Variants in EFR3A observed in about 807,000 individuals in gnomAD.
EFR3A encodes the protein EFR3 homolog A.
Under a neutral mutation model 104.4 loss-of-function variants are expected in EFR3A, and 76 were observed. The ratio of observed to expected loss-of-function variants is 0.73; its 90% CI spans 0.60 to 0.88. The LOEUF (loss-of-function observed/expected upper bound fraction) is 0.88, where lower values mean the gene tolerates loss of function less well. EFR3A is among the 40% of genes least tolerant of loss of function. The pLI is 0.00. For missense variants in EFR3A, 985 were observed against 1,012.5 expected (o/e 0.97, Z 0.37); for synonymous variants, 330 against 330.0 (o/e 1.00, Z 0.00).
rs1818618141 is a variant in EFR3A, at chr8:131,949,980, T to G, written c.378T>G (p.Phe126Leu). Residue 126 changes from phenylalanine to leucine, a missense_variant, in exon 5 of 23, where the codon TTT (phenylalanine) becomes TTG (leucine). Coordinates refer to ENST00000254624, the MANE Select transcript of EFR3A (RefSeq NM_015137.6). The stretch of plus-strand genomic sequence containing the variant: ...TTTGTGTTTTTTAGTTTGTCAAATT[T>G]GCAAATATTGAAGAAGACACACCAT... ...QVLGTNSFVK[F>L]ANIEEDTPSY... 2 of 1,593,162 alleles carry G rather than the reference T, an allele frequency of 1.3e-6. No homozygotes were observed. Among genetic ancestry groups the G allele is most frequent in the African/African-American group, 1.4e-5 (1 of 73,762 alleles).
At chr8:131,943,256 CT>C (rs1409580709) in intron 2 of EFR3A, among the ~76,000 whole-genome samples, 1 of 152,056 alleles carries the variant, frequency 6.6e-6, no homozygotes, top group Admixed American at 6.6e-5. Context: ...TATCCTCAAC[CT>C]GTATCTTATT....
intron 1 of EFR3A, among the ~76,000 whole-genome samples, chr8:131,908,369 G>A (rs1816354293): frequency 6.6e-6 from 1 of 152,136 alleles, no homozygotes; most frequent in Non-Finnish European, 1.5e-5. Flanking sequence ...CATTTGAGGG[G>A]TTTTATATGC....
At chr8:131,961,019 A>C (rs1819289582) in intron 8 of EFR3A, among the ~76,000 whole-genome samples, 1 of 152,200 alleles carries the variant, frequency 6.6e-6, no homozygotes, top group African/African-American at 2.4e-5. Context: ...TTAGAAGGAA[A>C]GCTAACAAAC....
chr8:132,002,520 T>C, intron 20 of EFR3A, 83 bp from the exon 21 acceptor site: 3 of 1,086,262 alleles, frequency 2.8e-6, no homozygotes, highest in Non-Finnish European at 4.0e-6. Context: ...TTGGATGATA[T>C]ATCATTAACT....
At chr8:132,001,710 T>C in intron 19 of EFR3A, 49 bp from the exon 20 acceptor site, 1 of 1,517,118 alleles carries the variant, frequency 6.6e-7, no homozygotes. Context: ...AAGGTGTTAT[T>C]TATATTGACC....
chr8:131,935,648 G>T (rs533622971), intron 1 of EFR3A: 2 of 239,402 alleles, frequency 8.4e-6, no homozygotes, highest in Non-Finnish European at 1.7e-5. Flanking sequence ...TTAATTCAAA[G>T]CCATACAGTC....
At chr8:131,915,555 G>A (rs913250107) in intron 1 of EFR3A, among the ~76,000 whole-genome samples, 1 of 152,204 alleles carries the variant, frequency 6.6e-6, no homozygotes, top group African/African-American at 2.4e-5. Context: ...GGTATAAATT[G>A]CTATAACACA....
chr8:131,957,350 C>CTTTTTTTTT (rs1185442281), intron 7 of EFR3A, among the ~76,000 whole-genome samples: 3,035 of 125,420 alleles, frequency 0.024, 113 homozygotes, highest in African/African-American at 0.069. Flanking sequence ...GGGCCAGGGT[C>CTTTTTTTTT]TTTTTTTTTT....
rs984997032 is a variant in EFR3A, at chr8:131,979,426, G to A, written c.1575+5G>A. On this transcript the variant is annotated splice_donor_5th_base_variant and intron_variant, in intron 14 of 22. Coordinates refer to ENST00000254624, the MANE Select transcript of EFR3A (RefSeq NM_015137.6). ...GACACAAGTTTCATGAAAAAGGTAAGACATCTTCTAAAAAAATAAATGTGT... is the reference window on the plus strand; with the variant it reads ...GACACAAGTTTCATGAAAAAGGTAAAACATCTTCTAAAAAAATAAATGTGT... 1 of 1,534,806 alleles carries A rather than the reference G, an allele frequency of 6.5e-7. No homozygotes were observed. The highest frequency in any genetic ancestry group is 1.4e-5 in the African/African-American group (1 of 72,688).
At chr8:131,979,108 G>A (rs1454164293) in intron 13 of EFR3A, 89 bp downstream of exon 13, 1 of 1,295,870 alleles carries the variant, frequency 7.7e-7, no homozygotes, top group Non-Finnish European at 1.1e-6. Flanking sequence ...TAAAAATCTA[G>A]CATGTTCAGG....
At chr8:131,987,061 C>G (rs1236212781) in intron 17 of EFR3A, among the ~76,000 whole-genome samples, 6 of 151,908 alleles carry the variant, frequency 3.9e-5, no homozygotes, top group Non-Finnish European at 8.8e-5. Context: ...TTTGTTTGAA[C>G]TTTTGGGCTA....
intron 1 of EFR3A, among the ~76,000 whole-genome samples, chr8:131,919,672 C>T (rs1039407935): frequency 6.6e-6 from 1 of 151,430 alleles, no homozygotes; most frequent in Admixed American, 6.6e-5. Flanking sequence ...AACAAAATCC[C>T]TGGGAAATCA....
chr8:131,999,111 A>T (rs1287531433), intron 19 of EFR3A, among the ~76,000 whole-genome samples: 1 of 152,106 alleles, frequency 6.6e-6, no homozygotes, highest in African/African-American at 2.4e-5. Context: ...AGCTTATAGT[A>T]AGTGCTTGAT....
chr8:131,937,738 T>C (rs1025911418), intron 1 of EFR3A, among the ~76,000 whole-genome samples: 3 of 151,700 alleles, frequency 2.0e-5, no homozygotes, highest in Non-Finnish European at 4.4e-5. Flanking sequence ...TGCTTAGACT[T>C]GCCAGTTGTT....
intron 18 of EFR3A, among the ~76,000 whole-genome samples, chr8:131,992,074 C>T (rs1821216672): frequency 6.6e-6 from 1 of 152,064 alleles, no homozygotes; most frequent in South Asian, 2.1e-4. Context: ...TCTGCAACCC[C>T]TCAGCTTTCA....
chr8:131,998,569 T>A (rs1358331025), intron 19 of EFR3A, among the ~76,000 whole-genome samples: 1 of 152,022 alleles, frequency 6.6e-6, no homozygotes, highest in Non-Finnish European at 1.5e-5. Flanking sequence ...CATTTGCAAT[T>A]CCAACCTTGG....
chr8:131,953,806 T>A lies in EFR3A; in HGVS notation c.489-12T>A. Reference sequence around the variant, plus strand: ...TATGGCTCATTTTCTTCCTTTTTTTTTTTTTTTATAGGATACGAATTGCTG... The same window carrying A: ...TATGGCTCATTTTCTTCCTTTTTTTATTTTTTTATAGGATACGAATTGCTG... On this transcript the variant is annotated splice_polypyrimidine_tract_variant and intron_variant, in intron 5 of 22. Coordinates refer to ENST00000254624, the MANE Select transcript of EFR3A (RefSeq NM_015137.6). The A allele has an allele frequency of 6.7e-7, 1 of 1,486,008 alleles. No individual in the cohort carries two copies. The highest frequency in any genetic ancestry group is 1.4e-5 in the African/African-American group (1 of 70,082). 92.1% of individuals were successfully genotyped at this position (1,486,008 alleles called of 1,614,324 possible). A position where few individuals can be genotyped will look rare whatever the true frequency, so the allele number is the denominator to read the frequency against.
intron 8 of EFR3A, among the ~76,000 whole-genome samples, chr8:131,963,522 A>T (rs905479638): frequency 1.1e-4 from 17 of 152,244 alleles, no homozygotes; most frequent in Non-Finnish European, 2.9e-5. Flanking sequence ...CTAAACCAGG[A>T]ATAAATTGAA....
At chr8:131,951,344 A>C (rs965280898) in intron 5 of EFR3A, among the ~76,000 whole-genome samples, 3 of 152,134 alleles carry the variant, frequency 2.0e-5, no homozygotes, top group African/African-American at 7.2e-5. Flanking sequence ...AAGCCTTCTC[A>C]GAGGTAAAAA....
Sources: allele counts gnomAD v4.1 joint callset (sites outside exome capture counted in the v4.1 genomes callset), GRCh38; gene constraint gnomAD v4.1.1; transcripts MANE v1.5; gene names NCBI Gene and HGNC (gene_info 2026-07-23, HGNC 2026-07-21).